C18orf54: variants seen among roughly 807,000 people sequenced by gnomAD.
C18orf54 encodes lung adenoma susceptibility protein 2.
A neutral mutation model predicts 49.3 loss-of-function variants in C18orf54; 49 were observed. The ratio of observed to expected loss-of-function variants is 0.99; its 90% CI spans 0.79 to 1.26. The LOEUF (loss-of-function observed/expected upper bound fraction) is 1.26, where lower values mean the gene tolerates loss of function less well. C18orf54 is among the 50% of genes most tolerant of loss of function. C18orf54 has a pLI of 0.00. For missense variants in C18orf54, 687 were observed against 620.6 expected (o/e 1.11, Z -1.14); for synonymous variants, 211 against 216.6 (o/e 0.97, Z 0.23).
chr18:54,377,259 A>G (rs1285803239), intron 8 of C18orf54, among the ~76,000 whole-genome samples: 1 of 151,634 alleles, frequency 6.6e-6, no homozygotes, highest in East Asian at 1.9e-4. Context: ...CTGGTCTCGA[A>G]CTCCTGACCT....
Position 54,362,853 on chromosome 18 carries a change from G to A in C18orf54, c.1155G>A (p.Lys385=), listed in dbSNP as rs1175284786. 1 of 1,612,610 alleles carries A rather than the reference G, an allele frequency of 6.2e-7. No individual in the cohort carries two copies. Among genetic ancestry groups the A allele is most frequent in the Non-Finnish European group, 8.5e-7 (1 of 1,179,650 alleles). The change falls in exon 5 of 9, where the codon AAG becomes AAA. Residue 385 remains lysine (K), a synonymous_variant. Coordinates refer to ENST00000620105, the MANE Select transcript of C18orf54 (RefSeq NM_001288980.2). ...CTEELPKSMK[K]DDSPCSLDKL... is the part of the protein sequence containing the mutation. ...AAGAATTACCAAAGTCCATGAAAAA[G>A]GATGACAGTCCTTGCTCATTAGATA...
intron 8 of C18orf54, among the ~76,000 whole-genome samples, chr18:54,375,743 A>G (rs530912313): frequency 6.6e-6 from 1 of 152,122 alleles, no homozygotes; most frequent in Non-Finnish European, 1.5e-5. Flanking sequence ...TCTTACCTGT[A>G]TATGGAGTTT....
intron 5 of C18orf54, 52 bp downstream of exon 5, chr18:54,362,973 A>G (rs770355436): frequency 4.0e-6 from 6 of 1,499,204 alleles, no homozygotes; most frequent in Non-Finnish European, 5.4e-6. Context: ...GAAAAATGTC[A>G]TGCGAATATC....
intron 6 of C18orf54, among the ~76,000 whole-genome samples, chr18:54,370,159 C>T (rs1244937620): frequency 6.6e-6 from 1 of 151,900 alleles, no homozygotes; most frequent in Non-Finnish European, 1.5e-5. Flanking sequence ...CGCCTTTAGT[C>T]CCAGCTACTT....
intron 5 of C18orf54, among the ~76,000 whole-genome samples, chr18:54,365,394 A>G (rs2089361473): frequency 6.6e-6 from 1 of 151,932 alleles, no homozygotes; most frequent in African/African-American, 2.4e-5. Flanking sequence ...GGAAAAATGT[A>G]CTGTTTATTT....
chr18:54,368,933 G>A (rs2089437113), intron 6 of C18orf54, among the ~76,000 whole-genome samples: 1 of 152,106 alleles, frequency 6.6e-6, no homozygotes, highest in Admixed American at 6.5e-5. Context: ...ATTGTTTCAG[G>A]TTAGGCCATT....
chr18:54,372,299 G>A (rs555759574), intron 6 of C18orf54, among the ~76,000 whole-genome samples, 167 bp from the exon 7 acceptor site: 9 of 151,968 alleles, frequency 5.9e-5, no homozygotes, highest in Non-Finnish European at 2.9e-5. Flanking sequence ...GGGGCCTGGG[G>A]ATGGGGAAGT....
intron 7 of C18orf54, among the ~76,000 whole-genome samples, chr18:54,372,851 G>A (rs923675027): frequency 2.6e-5 from 4 of 151,722 alleles, no homozygotes; most frequent in Non-Finnish European, 5.9e-5. Context: ...TAGTTATGAT[G>A]GTGTTACAAC....
At chr18:54,371,686 AT>A (rs1409452992) in intron 6 of C18orf54, among the ~76,000 whole-genome samples, 1 of 152,128 alleles carries the variant, frequency 6.6e-6, no homozygotes, top group African/African-American at 2.4e-5. Flanking sequence ...TGAGTATATT[AT>A]GCTAATCAAC....
At chr18:54,373,550 C>T (rs752876311) in intron 7 of C18orf54, among the ~76,000 whole-genome samples, 23 of 151,828 alleles carry the variant, frequency 1.5e-4, no homozygotes, top group Admixed American at 6.6e-5. Context: ...CTGCAACTCC[C>T]GTCCCCACAT....
chr18:54,370,812 A>C (rs2089472842), intron 6 of C18orf54, among the ~76,000 whole-genome samples: 1 of 152,176 alleles, frequency 6.6e-6, no homozygotes, highest in Non-Finnish European at 1.5e-5. Context: ...TTTTGTAACT[A>C]TTATGGTTGG....
At position 54,374,288 on chromosome 18, in the gene C18orf54, A is replaced by G; in HGVS notation, c.1529+4A>G. The G allele has an allele frequency of 1.3e-6, 2 of 1,568,054 alleles. No homozygotes were observed. Among genetic ancestry groups the G allele is most frequent in the Non-Finnish European group, 8.6e-7 (1 of 1,158,820 alleles). ...CTATTACTAGGTCACTTCAGAAGTA[A>G]GTATTCTTTACTAATATGGATACAA... is the stretch of plus-strand genomic sequence containing the variant. On this transcript the variant is annotated splice_donor_region_variant and intron_variant, in intron 8 of 8. Coordinates refer to ENST00000620105, the MANE Select transcript of C18orf54 (RefSeq NM_001288980.2).
At chr18:54,366,734 G>A (rs2089393688) in intron 6 of C18orf54, among the ~76,000 whole-genome samples, 2 of 151,722 alleles carry the variant, frequency 1.3e-5, no homozygotes, top group Non-Finnish European at 2.9e-5. Context: ...CTGTTTTACT[G>A]TGTCTGGCTG....
intron 2 of C18orf54, among the ~76,000 whole-genome samples, chr18:54,359,743 A>G (rs1612076): frequency 0.067 from 10,177 of 152,226 alleles, 385 homozygotes; most frequent in African/African-American, 0.087. Flanking sequence ...AGGTTTTCAA[A>G]TATACATCCT....
At chr18:54,377,015 GT>G (rs34791747) in intron 8 of C18orf54, among the ~76,000 whole-genome samples, 1 of 150,336 alleles carries the variant, frequency 6.7e-6, no homozygotes, top group Non-Finnish European at 1.5e-5. Context: ...CACAGCTTAT[GT>G]TTTTTTTTTA....
rs563510903 is a variant in C18orf54, at chr18:54,362,423, C to T, written c.1064C>T (p.Pro355Leu). Residue 355 changes from proline (P) to leucine (L), a missense_variant, in exon 4 of 9, where the codon CCA becomes CTA. By Grantham distance (98) the Pro-to-Leu change is moderately conservative (BLOSUM62 -3). Transcript: ENST00000620105. The stretch of plus-strand genomic sequence containing the variant: ...CTTCTCCCAGGACAATCCACAAAGC[C>T]ATTCAGTGGTAATACTTTGTTTATT... ...NPLLPGQSTK[P>L]FSGDKIELLI... 1.3e-6 allele frequency: 2 copies of T among 1,507,146 alleles called. No homozygotes were observed. The highest frequency in any genetic ancestry group is 2.5e-5 in the South Asian group (2 of 79,106). 93.4% of individuals were successfully genotyped at this position (1,507,146 alleles called of 1,614,324 possible). A position where few individuals can be genotyped will look rare whatever the true frequency, so the allele number is the denominator to read the frequency against.
intron 6 of C18orf54, among the ~76,000 whole-genome samples, chr18:54,368,193 T>C (rs896339689): frequency 7.2e-5 from 11 of 152,156 alleles, no homozygotes; most frequent in African/African-American, 2.7e-4. Flanking sequence ...TTCCTTTTCA[T>C]TGGAGTCTGT....
chr18:54,373,227 C>G (rs956603334), intron 7 of C18orf54, among the ~76,000 whole-genome samples: 2 of 151,722 alleles, frequency 1.3e-5, no homozygotes, highest in African/African-American at 4.8e-5. Context: ...CTGTCACTTA[C>G]TAGCAAGTGC....
At position 54,379,568 on chromosome 18, in the gene C18orf54, C is replaced by T. The variant is rs1442120273; in HGVS notation, c.*1322C>T. On this transcript the variant is annotated 3_prime_UTR_variant, in exon 9 of 9. Coordinates refer to ENST00000620105, the MANE Select transcript of C18orf54 (RefSeq NM_001288980.2). ...TCTGACCAGTTTGAGTGGCAATTAC[C>T]AATAGATTTGTTTTCTTTATTCTAT... 6.7e-6 allele frequency: 1 copy of T among 150,046 alleles called. No individual in the cohort carries two copies. The highest frequency in any genetic ancestry group is 6.6e-5 in the Admixed American group (1 of 15,064). 9.3% of individuals were successfully genotyped at this position (150,046 alleles called of 1,614,324 possible).
Sources: allele counts gnomAD v4.1 joint callset (sites outside exome capture counted in the v4.1 genomes callset), GRCh38; gene constraint gnomAD v4.1.1; transcripts MANE v1.5; gene names NCBI Gene and HGNC (gene_info 2026-07-23, HGNC 2026-07-21).